LPP: variants seen among roughly 807,000 people sequenced by gnomAD.
LPP encodes LIM domain containing preferred translocation partner in lipoma, also known as lipoma-preferred partner.
In LPP, 38 loss-of-function variants were observed where a neutral mutation model predicts 60.4. The observed-to-expected ratio is 0.63, with a 90% CI of 0.49 to 0.83. The LOEUF is 0.83. Among genes scored for constraint, LPP ranks in the 40% least tolerant of loss-of-function variants. LPP has a pLI of 0.00. For missense variants in LPP, 902 were observed against 783.6 expected (o/e 1.15, Z -1.80); for synonymous variants, 328 against 290.8 (o/e 1.13, Z -1.30).
Position 188,823,809 on chromosome 3 carries a change from G to T in LPP, c.1411-42391G>T, listed in dbSNP as rs554778046. 3.6e-4 allele frequency among the ~76,000 whole-genome samples: 54 copies of T among 152,086 alleles called. 1 individual carries two copies. Among genetic ancestry groups the T allele is most frequent in the African/African-American group, 1.3e-3 (52 of 41,500 alleles). On this transcript the variant is annotated intron_variant, in intron 9 of 11. Transcript: ENST00000617246. Reference sequence around the variant, plus strand: ...TAATAATAAATTTTAAAGTGTATACGTTTCTTAATGTCTTCAACTTGCCAA... The same window carrying T: ...TAATAATAAATTTTAAAGTGTATACTTTTCTTAATGTCTTCAACTTGCCAA...
intron 6 of LPP, among the ~76,000 whole-genome samples, chr3:188,590,410 T>G (rs1408520726): frequency 6.6e-6 from 1 of 151,866 alleles, no homozygotes; most frequent in Non-Finnish European, 1.5e-5. Context: ...CTGCCTCTAC[T>G]AAAAAATACA....
intron 4 of LPP, among the ~76,000 whole-genome samples, chr3:188,431,933 T>A (rs1790994777): frequency 6.6e-6 from 1 of 152,186 alleles, no homozygotes; most frequent in Admixed American, 6.6e-5. Flanking sequence ...TATATTCCTC[T>A]GACAACCCCA....
chr3:188,748,290 A>G (rs949251701), intron 8 of LPP, among the ~76,000 whole-genome samples: 1 of 152,078 alleles, frequency 6.6e-6, no homozygotes, highest in South Asian at 2.1e-4. Flanking sequence ...TATATATATG[A>G]ATGTATGTTT....
chr3:188,497,304 A>G (rs530220705), intron 5 of LPP, among the ~76,000 whole-genome samples: 1 of 152,294 alleles, frequency 6.6e-6, no homozygotes, highest in South Asian at 2.1e-4. Flanking sequence ...GTGGTATGAT[A>G]GTATGATAAT....
chr3:188,320,898 C>T (rs1756739304), intron 2 of LPP, among the ~76,000 whole-genome samples: 1 of 152,184 alleles, frequency 6.6e-6, no homozygotes, highest in Non-Finnish European at 1.5e-5. Context: ...GGTAAAATCT[C>T]AAGTCCTGTG....
rs555409612 is a variant in LPP, at chr3:188,713,451, T to C, written c.1240+5058T>C. Reference sequence around the variant, plus strand: ...TAGAGAAATTTGAATATCAATGATATATTAGATAATACATCAATGTTAATT... The same window carrying C: ...TAGAGAAATTTGAATATCAATGATACATTAGATAATACATCAATGTTAATT... On this transcript the variant is annotated intron_variant, in intron 8 of 11. Transcript: ENST00000617246. Among the ~76,000 whole-genome samples, 431 of 150,026 alleles carry C rather than the reference T, an allele frequency of 2.9e-3. 1 individual carries two copies. Among genetic ancestry groups the C allele is most frequent in the African/African-American group, 0.01 (421 of 41,432 alleles).
intron 5 of LPP, among the ~76,000 whole-genome samples, chr3:188,505,676 G>T (rs1000822871): frequency 2.0e-5 from 3 of 152,068 alleles, no homozygotes; most frequent in African/African-American, 7.2e-5. Context: ...GTTCATTGAT[G>T]ATATATCTTG....
intron 10 of LPP, 123 bp downstream of exon 10, chr3:188,866,501 T>G: frequency 1.3e-6 from 1 of 755,860 alleles, no homozygotes; most frequent in Non-Finnish European, 1.9e-6. Flanking sequence ...TAGTGAGGCT[T>G]TTAAAAGAGC....
chr3:188,857,921 T>C (rs1488231580), intron 9 of LPP, among the ~76,000 whole-genome samples: 2 of 152,194 alleles, frequency 1.3e-5, no homozygotes, highest in Non-Finnish European at 2.9e-5. Flanking sequence ...CCCCTTGAAA[T>C]TTGTATAGGG....
intron 6 of LPP, among the ~76,000 whole-genome samples, chr3:188,577,565 A>G (rs1417378811): frequency 1.3e-5 from 2 of 151,070 alleles, no homozygotes; most frequent in Non-Finnish European, 3.0e-5. Flanking sequence ...AAATGTATGT[A>G]TACTATATAT....
intron 2 of LPP, among the ~76,000 whole-genome samples, chr3:188,233,732 C>T (rs1720900145): frequency 6.6e-6 from 1 of 152,182 alleles, no homozygotes; most frequent in Non-Finnish European, 1.5e-5. Context: ...CCTTCTACTC[C>T]TGTTTAAATC....
At chr3:188,666,384 C>G in intron 7 of LPP, among the ~76,000 whole-genome samples, 1 of 152,168 alleles carries the variant, frequency 6.6e-6, no homozygotes, top group Non-Finnish European at 1.5e-5. Flanking sequence ...AAGATTCACA[C>G]AGACTTGTCT....
At chr3:188,859,919 T>A (rs2151937216) in intron 9 of LPP, among the ~76,000 whole-genome samples, 1 of 152,286 alleles carries the variant, frequency 6.6e-6, no homozygotes, top group African/African-American at 2.4e-5. Context: ...AAAAGAGGAA[T>A]TTTGATTCTA....
intron 4 of LPP, among the ~76,000 whole-genome samples, chr3:188,454,397 A>G (rs1797268491): frequency 6.6e-6 from 1 of 152,228 alleles, no homozygotes; most frequent in Non-Finnish European, 1.5e-5. Flanking sequence ...TTTAGGATTT[A>G]AATATTTTTA....
chr3:188,569,997 T>A (rs191356177), intron 6 of LPP, among the ~76,000 whole-genome samples: 1 of 147,288 alleles, frequency 6.8e-6, no homozygotes, highest in African/African-American at 2.5e-5. Context: ...AGTCAGTTTG[T>A]ATGAATGGCA....
chr3:188,283,067 T>C (rs1476062633), intron 2 of LPP, among the ~76,000 whole-genome samples: 6 of 152,174 alleles, frequency 3.9e-5, no homozygotes, highest in Non-Finnish European at 8.8e-5. Context: ...ATGGCTTTTA[T>C]GAGCAGCTAT....
At chr3:188,688,714 T>TTA in intron 7 of LPP, 1 of 455,032 alleles carries the variant, frequency 2.2e-6, no homozygotes, top group East Asian at 7.0e-5. Context: ...CAGCAAGCAC[T>TTA]TATTAAGTGC....
At chr3:188,667,924 G>C (rs1278368088) in intron 7 of LPP, among the ~76,000 whole-genome samples, 1 of 151,836 alleles carries the variant, frequency 6.6e-6, no homozygotes, top group Non-Finnish European at 1.5e-5. Context: ...ATTAAGACAA[G>C]AACTGAAAGC....
chr3:188,259,378 C>T (rs1732793797), intron 2 of LPP, among the ~76,000 whole-genome samples: 1 of 152,148 alleles, frequency 6.6e-6, no homozygotes. Context: ...CATTCTTGGG[C>T]ACCAGCCAGA....
Sources: gnomAD v4.1 joint callset for allele counts (sites outside exome capture counted in the v4.1 genomes callset) on GRCh38, gnomAD v4.1.1 for gene constraint, MANE v1.5 for transcripts, NCBI Gene and HGNC (gene_info 2026-07-23, HGNC 2026-07-21) for gene names.